PLEKHA5: variants seen among roughly 807,000 people sequenced by gnomAD.
The protein encoded by PLEKHA5 is pleckstrin homology domain-containing family A member 5.
A neutral mutation model predicts 181.9 loss-of-function variants in PLEKHA5; 55 were observed. The observed-to-expected ratio is 0.30, with a 90% CI of 0.24 to 0.38. PLEKHA5 has a LOEUF of 0.38. PLEKHA5 is among the 10% of genes least tolerant of loss of function. The probability of loss-of-function intolerance (pLI) is 1.00; values close to 1 mark genes in which losing one functional copy is unlikely to be tolerated. For synonymous variants in PLEKHA5, 535 were observed against 529.4 expected, an observed-to-expected ratio of 1.01 and a Z score of -0.15; for missense variants, 1,432 against 1,549.5, an observed-to-expected ratio of 0.92 and a Z score of 1.27.
intron 3 of PLEKHA5, among the ~76,000 whole-genome samples, chr12:19,143,374 GCTT>G (rs1193015081): frequency 6.6e-6 from 1 of 152,074 alleles, no homozygotes; most frequent in African/African-American, 2.4e-5. Context: ...TAGTGTATAT[GCTT>G]CTTTTTAACC....
At chr12:19,261,559 G>A (rs2152621594) in intron 7 of PLEKHA5, among the ~76,000 whole-genome samples, 1 of 152,150 alleles carries the variant, frequency 6.6e-6, no homozygotes, top group Middle Eastern at 3.4e-3. Context: ...TACACCACAT[G>A]GATCTCTTAG....
At chr12:19,189,119 T>G (rs2050493279) in intron 3 of PLEKHA5, among the ~76,000 whole-genome samples, 2 of 152,174 alleles carry the variant, frequency 1.3e-5, no homozygotes, top group Admixed American at 1.3e-4. Flanking sequence ...CTGAAGACAC[T>G]CACAGGGTCT....
intron 15 of PLEKHA5, among the ~76,000 whole-genome samples, chr12:19,311,450 T>TAA (rs530115682): frequency 7.6e-6 from 1 of 131,420 alleles, no homozygotes; most frequent in African/African-American, 2.8e-5. Context: ...CTCGAAAAAT[T>TAA]AAAAAAAAAA....
At chr12:19,231,580 A>C (rs2060583729) in intron 3 of PLEKHA5, among the ~76,000 whole-genome samples, 1 of 131,792 alleles carries the variant, frequency 7.6e-6, no homozygotes, top group Non-Finnish European at 1.5e-5. Flanking sequence ...ATATATGTAT[A>C]TATATTTATA....
At chr12:19,180,328 A>G (rs1251910822) in intron 3 of PLEKHA5, among the ~76,000 whole-genome samples, 1 of 152,146 alleles carries the variant, frequency 6.6e-6, no homozygotes. Flanking sequence ...TTTCATTCTC[A>G]AGACTGTTTT....
intron 21 of PLEKHA5, among the ~76,000 whole-genome samples, chr12:19,339,956 G>C (rs1303760277): frequency 1.3e-5 from 2 of 152,088 alleles, no homozygotes; most frequent in East Asian, 1.9e-4. Flanking sequence ...TGTTAAACAT[G>C]GTACAGGAAA....
intron 8 of PLEKHA5, among the ~76,000 whole-genome samples, chr12:19,266,920 T>C (rs192285705): frequency 1.3e-5 from 2 of 152,298 alleles, no homozygotes; most frequent in East Asian, 3.9e-4. Context: ...AAGTACATCA[T>C]GATCATCGGG....
chr12:19,350,956 T>TG (rs71064092), intron 25 of PLEKHA5, among the ~76,000 whole-genome samples: 1 of 77,344 alleles, frequency 1.3e-5, no homozygotes, highest in Non-Finnish European at 2.2e-5. Context: ...ATTCAAAGTC[T>TG]TTTTTTTTTT....
At chr12:19,144,108 A>G (rs551236933) in intron 3 of PLEKHA5, among the ~76,000 whole-genome samples, 2 of 152,306 alleles carry the variant, frequency 1.3e-5, no homozygotes, top group South Asian at 4.1e-4. Context: ...AACTGCAATA[A>G]GTGCTTCTGA....
intron 3 of PLEKHA5, among the ~76,000 whole-genome samples, chr12:19,203,950 A>G (rs545108278): frequency 1.0e-3 from 159 of 152,190 alleles, no homozygotes; most frequent in African/African-American, 3.5e-3. Flanking sequence ...CTACAGAACT[A>G]CCGCACCCCC....
chr12:19,176,339 G>A (rs999803957), intron 3 of PLEKHA5: 2 of 151,520 alleles, frequency 1.3e-5, no homozygotes, highest in African/African-American at 4.9e-5. Context: ...GCTGTTCGCG[G>A]GCACAATCCC....
At chr12:19,348,357 T>C in intron 24 of PLEKHA5, 42 bp from the exon 25 acceptor site, 1 of 1,498,340 alleles carries the variant, frequency 6.7e-7, no homozygotes, top group Admixed American at 2.3e-5. Flanking sequence ...TAAAAGAAAC[T>C]TTTAGCAGTT....
chr12:19,331,728 T>A (rs555232171), intron 20 of PLEKHA5, among the ~76,000 whole-genome samples: 176 of 152,102 alleles, frequency 1.2e-3, no homozygotes, highest in African/African-American at 3.6e-3. Context: ...ACAATTTTTT[T>A]AAAAAAAATC....
chr12:19,293,248 A>G (rs2078925711), intron 15 of PLEKHA5, among the ~76,000 whole-genome samples: 1 of 152,216 alleles, frequency 6.6e-6, no homozygotes, highest in Non-Finnish European at 1.5e-5. Flanking sequence ...GGGATTTTGC[A>G]TTAGGATAAC....
intron 8 of PLEKHA5, among the ~76,000 whole-genome samples, chr12:19,266,734 A>G (rs1392695964): frequency 6.6e-6 from 1 of 152,116 alleles, no homozygotes; most frequent in African/African-American, 2.4e-5. Flanking sequence ...CAGTGAGCCA[A>G]GATTGCACCA....
At chr12:19,246,532 G>C (rs1241993676) in intron 3 of PLEKHA5, among the ~76,000 whole-genome samples, 3 of 149,652 alleles carry the variant, frequency 2.0e-5, no homozygotes, top group African/African-American at 7.4e-5. Context: ...CTGAGGCAGG[G>C]AACTGCTTGA....
In PLEKHA5 at chr12:19,161,531, A is replaced by G. The variant is rs184985679; in HGVS notation, c.227+29081A>G. 2.1e-3 allele frequency among the ~76,000 whole-genome samples: 317 copies of G among 152,200 alleles called. 1 individual carries two copies. Among genetic ancestry groups the G allele is most frequent in the African/African-American group, 7.2e-3 (301 of 41,538 alleles). Reference sequence around the variant, plus strand: ...CCCCATCTCCGTGTCTCCACCCCTCATATTTGTGGGCATCCCACAGAATTC... The same window carrying G: ...CCCCATCTCCGTGTCTCCACCCCTCGTATTTGTGGGCATCCCACAGAATTC... On this transcript the variant is annotated intron_variant, in intron 3 of 31. Coordinates refer to ENST00000429027, the MANE Select transcript of PLEKHA5 (RefSeq NM_001256470.2).
intron 20 of PLEKHA5, among the ~76,000 whole-genome samples, chr12:19,325,517 G>T (rs1042217053): frequency 6.6e-6 from 1 of 151,322 alleles, no homozygotes; most frequent in Non-Finnish European, 1.5e-5. Flanking sequence ...GTGAAACCCC[G>T]CCTCTAATAA....
intron 3 of PLEKHA5, among the ~76,000 whole-genome samples, chr12:19,209,825 A>G (rs1453548552): frequency 6.6e-6 from 1 of 152,188 alleles, no homozygotes; most frequent in Non-Finnish European, 1.5e-5. Flanking sequence ...GAACAATAAC[A>G]TCTGCTTATG....
Sources: gnomAD v4.1 joint callset for allele counts (sites outside exome capture counted in the v4.1 genomes callset) on GRCh38, gnomAD v4.1.1 for gene constraint, MANE v1.5 for transcripts, NCBI Gene and HGNC (gene_info 2026-07-23, HGNC 2026-07-21) for gene names.